TRAM2: variants seen among roughly 807,000 people sequenced by gnomAD.
The protein encoded by TRAM2 is translocating chain-associated membrane protein 2.
Under a neutral mutation model 51.0 loss-of-function variants are expected in TRAM2, and 12 were observed. The observed-to-expected ratio is 0.24, with a 90% CI of 0.15 to 0.38. The LOEUF (loss-of-function observed/expected upper bound fraction) is 0.38, where lower values mean the gene tolerates loss of function less well. Among genes scored for constraint, TRAM2 ranks in the 10% least tolerant of loss-of-function variants. The probability of loss-of-function intolerance (pLI) is 1.00; values close to 1 mark genes in which losing one functional copy is unlikely to be tolerated. For synonymous variants in TRAM2, 175 were observed against 179.4 expected, an observed-to-expected ratio of 0.98 and a Z score of 0.20; for missense variants, 361 against 462.0, an observed-to-expected ratio of 0.78 and a Z score of 2.00.
rs1766303887 is a variant in TRAM2 at position 52,504,472 on chromosome 6, A to G, written c.1039+119T>C. The G allele has an allele frequency of 6.0e-6, 9 of 1,509,568 alleles. 1 individual carries two copies. In the South Asian group the frequency reaches 1.2e-4, roughly 20 times the overall value. 93.5% of individuals were successfully genotyped at this position (1,509,568 alleles called of 1,614,324 possible). On this transcript the variant is annotated intron_variant, in intron 10 of 10. Transcript: ENST00000182527. ...CCCAGCCCTGAGGTAAGAGTCAGGA[A>G]GGAGAAGCTGGCAGGATTGGTCTGG...
chr6:52,530,904 C>T (rs1202742766), intron 2 of TRAM2, among the ~76,000 whole-genome samples: 3 of 152,036 alleles, frequency 2.0e-5, no homozygotes, highest in South Asian at 2.1e-4. Flanking sequence ...CAAAACAAAA[C>T]CATCAAGAAA....
chr6:52,503,400 C>A lies in TRAM2; in HGVS notation c.1040-130G>T, dbSNP rs747602669. On this transcript the variant is annotated intron_variant, in intron 10 of 10. Coordinates refer to ENST00000182527, the MANE Select transcript of TRAM2 (RefSeq NM_012288.4). ...GCTATACATGGATGCACCAAAGGGG[C>A]GCCAGGCTGCAGCCTTGCACAGCAA... 3.8e-6 allele frequency: 3 copies of A among 798,660 alleles called. No individual in the cohort carries two copies. The South Asian group carries it at 4.3e-5, about 12-fold the overall frequency. 49.5% of individuals were successfully genotyped at this position (798,660 alleles called of 1,614,324 possible).
In TRAM2 at chr6:52,535,769, C is replaced by T; in HGVS notation, c.184+14G>A. The T allele has an allele frequency of 1.2e-6, 2 of 1,609,058 alleles. No individual in the cohort carries two copies. Among genetic ancestry groups the T allele is most frequent in the Non-Finnish European group, 1.7e-6 (2 of 1,175,794 alleles). On this transcript the variant is annotated intron_variant, in intron 2 of 10. Transcript: ENST00000182527. Reference sequence around the variant, plus strand: ...TAACAGGGCCAGGAGAAGATGGAGACCAGTGATTCTTACCTGCTGTAGGCA... The same window carrying T: ...TAACAGGGCCAGGAGAAGATGGAGATCAGTGATTCTTACCTGCTGTAGGCA...
chr6:52,554,223 T>C (rs1285053310), intron 1 of TRAM2, among the ~76,000 whole-genome samples: 4 of 152,260 alleles, frequency 2.6e-5, no homozygotes, highest in Middle Eastern at 3.4e-3. Context: ...CATCCCACTT[T>C]GGTTTTGAAA....
intron 2 of TRAM2, among the ~76,000 whole-genome samples, chr6:52,532,243 A>G (rs1766904825): frequency 6.6e-6 from 1 of 152,194 alleles, no homozygotes; most frequent in African/African-American, 2.4e-5. Flanking sequence ...AGGATGCCCA[A>G]TCACATGCAC....
chr6:52,503,915 G>A (rs557584718), intron 10 of TRAM2, among the ~76,000 whole-genome samples: 3 of 151,558 alleles, frequency 2.0e-5, no homozygotes, highest in Non-Finnish European at 2.9e-5. Flanking sequence ...AGCTGCGCGC[G>A]TGTCTGGTTC....
At chr6:52,571,671 G>A (rs1767683571) in intron 1 of TRAM2, among the ~76,000 whole-genome samples, 1 of 152,232 alleles carries the variant, frequency 6.6e-6, no homozygotes, top group Admixed American at 6.5e-5. Flanking sequence ...GCTCCCTGGG[G>A]AAAAGAAGTT....
chr6:52,552,717 A>C (rs748695122), intron 1 of TRAM2, among the ~76,000 whole-genome samples: 1 of 152,080 alleles, frequency 6.6e-6, no homozygotes, highest in Non-Finnish European at 1.5e-5. Context: ...TTCCGGCGAC[A>C]CTCAGATCTA....
intron 1 of TRAM2, among the ~76,000 whole-genome samples, chr6:52,539,266 G>A (rs149327115): frequency 3.9e-5 from 6 of 152,340 alleles, no homozygotes; most frequent in East Asian, 1.9e-4. Flanking sequence ...GATGAGAGCC[G>A]GAACTGGAGG....
chr6:52,537,342 C>T (rs781630889), intron 1 of TRAM2, among the ~76,000 whole-genome samples: 1 of 152,196 alleles, frequency 6.6e-6, no homozygotes, highest in Non-Finnish European at 1.5e-5. Context: ...TCAGTGTTCT[C>T]GACCTACCTT....
intron 2 of TRAM2, among the ~76,000 whole-genome samples, chr6:52,529,290 A>G (rs1766842429): frequency 6.6e-6 from 1 of 152,152 alleles, no homozygotes; most frequent in African/African-American, 2.4e-5. Flanking sequence ...CCCAGACCAA[A>G]TATTTATAGA....
chr6:52,574,968 C>T (rs1201144838), intron 1 of TRAM2, among the ~76,000 whole-genome samples: 6 of 152,224 alleles, frequency 3.9e-5, no homozygotes, highest in Admixed American at 3.3e-4. Flanking sequence ...TTACAGCTGT[C>T]ACGTGTATCT....
intron 1 of TRAM2, among the ~76,000 whole-genome samples, chr6:52,544,366 A>C (rs1184798442): frequency 2.0e-5 from 3 of 152,182 alleles, no homozygotes; most frequent in African/African-American, 7.2e-5. Flanking sequence ...CCCCTACTCC[A>C]TGGAGGAGTG....
intron 2 of TRAM2, among the ~76,000 whole-genome samples, chr6:52,533,875 T>C (rs1766933847): frequency 6.6e-6 from 1 of 152,178 alleles, no homozygotes; most frequent in Non-Finnish European, 1.5e-5. Flanking sequence ...GTAGATTACC[T>C]GAGGTCAGGA....
chr6:52,572,165 A>C (rs1176288614), intron 1 of TRAM2, among the ~76,000 whole-genome samples: 4 of 152,230 alleles, frequency 2.6e-5, no homozygotes, highest in African/African-American at 9.6e-5. Flanking sequence ...AAGAGCGCTC[A>C]AGAGAGTACG....
chr6:52,561,502 T>C (rs978395966), intron 1 of TRAM2, among the ~76,000 whole-genome samples: 5 of 150,828 alleles, frequency 3.3e-5, no homozygotes, highest in African/African-American at 1.2e-4. Flanking sequence ...TTTTTTTTTT[T>C]TGAGACGGAG....
In TRAM2 at chr6:52,503,038, G is replaced by C; in HGVS notation, c.*159C>G. 1.5e-6 allele frequency: 1 copy of C among 677,648 alleles called. No individual in the cohort carries two copies. The highest frequency in any genetic ancestry group is 2.5e-5 in the East Asian group (1 of 40,352). 42.0% of individuals were successfully genotyped at this position (677,648 alleles called of 1,614,324 possible). A position where few individuals can be genotyped will look rare whatever the true frequency, so the allele number is the denominator to read the frequency against. ...TGGAAGAATAAGAGGAAGCCAAGAA[G>C]AAGGAAAGCGAAACGCCCCCTCCCC... is the stretch of plus-strand genomic sequence containing the variant. On this transcript the variant is annotated 3_prime_UTR_variant, in exon 11 of 11. Coordinates refer to ENST00000182527, the MANE Select transcript of TRAM2 (RefSeq NM_012288.4).
At chr6:52,553,659 A>T (rs1235053582) in intron 1 of TRAM2, among the ~76,000 whole-genome samples, 1 of 152,162 alleles carries the variant, frequency 6.6e-6, no homozygotes, top group Non-Finnish European at 1.5e-5. Context: ...GTAGAGCACA[A>T]TAGTTAAGAG....
At chr6:52,571,600 T>C (rs1299153536) in intron 1 of TRAM2, among the ~76,000 whole-genome samples, 1 of 152,234 alleles carries the variant, frequency 6.6e-6, no homozygotes, top group African/African-American at 2.4e-5. Context: ...CGGACTGTGT[T>C]CTAATAAGAT....
Sources: gnomAD v4.1 joint callset for allele counts (sites outside exome capture counted in the v4.1 genomes callset) on GRCh38, gnomAD v4.1.1 for gene constraint, MANE v1.5 for transcripts, NCBI Gene and HGNC (gene_info 2026-07-23, HGNC 2026-07-21) for gene names.